DAB1: variants seen among roughly 807,000 people sequenced by gnomAD.
The protein encoded by DAB1 is disabled homolog 1.
Under a neutral mutation model 64.6 loss-of-function variants are expected in DAB1, and 15 were observed. The observed-to-expected ratio is 0.23, with a 90% CI of 0.16 to 0.36. DAB1 has a LOEUF of 0.36. DAB1 is among the 10% of genes least tolerant of loss of function. The pLI is 1.00. For missense variants in DAB1, 596 were observed against 706.7 expected (o/e 0.84, Z 1.78); for synonymous variants, 235 against 251.9 (o/e 0.93, Z 0.64).
intron 7 of DAB1, among the ~76,000 whole-genome samples, chr1:57,510,476 G>C (rs1644394163): frequency 6.6e-6 from 1 of 152,046 alleles, no homozygotes; most frequent in African/African-American, 2.4e-5. Flanking sequence ...GCTCACCATG[G>C]CTTAAGTACC....
At position 57,642,910 on chromosome 1, in the gene DAB1, C is replaced by T. The variant is rs568669676; in HGVS notation, n.625+6682G>A. On this transcript the variant is annotated intron_variant and non_coding_transcript_variant, in intron 7 of 20. Transcript: ENST00000485760. Reference sequence around the variant, plus strand: ...TGGCAATTCATTAATACCTGTGCACCTCACACAAATATTACTTGAGCACCT... The same window carrying T: ...TGGCAATTCATTAATACCTGTGCACTTCACACAAATATTACTTGAGCACCT... Among the ~76,000 whole-genome samples, 4 of 152,264 alleles carry T rather than the reference C, an allele frequency of 2.6e-5. No individual in the cohort carries two copies. The East Asian group carries it at 7.7e-4, about 29-fold the overall frequency.
chr1:57,054,448 T>C (rs1649532553), intron 9 of DAB1, among the ~76,000 whole-genome samples: 1 of 150,750 alleles, frequency 6.6e-6, no homozygotes, highest in African/African-American at 2.4e-5. Flanking sequence ...AGCAGACACC[T>C]TCCTCTCCAC....
intron 2 of DAB1, among the ~76,000 whole-genome samples, chr1:58,513,315 T>C (rs940367901): frequency 2.6e-5 from 4 of 152,210 alleles, no homozygotes; most frequent in African/African-American, 7.2e-5. Flanking sequence ...TCCCCAGCCA[T>C]GGAGAACTGT....
intron 3 of DAB1, among the ~76,000 whole-genome samples, chr1:58,426,003 G>A (rs1644818721): frequency 6.6e-6 from 1 of 152,116 alleles, no homozygotes; most frequent in South Asian, 2.1e-4. Context: ...ATGGAAGAAG[G>A]GGAGAGCCCT....
At chr1:57,167,412 G>A (rs184569863) in intron 2 of DAB1, among the ~76,000 whole-genome samples, 7 of 152,082 alleles carry the variant, frequency 4.6e-5, no homozygotes, top group African/African-American at 1.4e-4. Flanking sequence ...ATGCTTCTAC[G>A]ACTATCTTGG....
In DAB1 at chr1:56,996,015, C is replaced by A. The variant is rs1442444825; in HGVS notation, c.*2129G>T. On this transcript the variant is annotated 3_prime_UTR_variant, in exon 15 of 15. Transcript: ENST00000371236. ...CATTAGGATGATATTGACATATATT[C>A]TTGAATAGACGTTTGGTCAGTTTAT... The A allele has an allele frequency of 6.6e-6, 1 of 152,084 alleles. No homozygotes were observed. Among genetic ancestry groups the A allele is most frequent in the Non-Finnish European group, 1.5e-5 (1 of 68,026 alleles). 9.4% of individuals were successfully genotyped at this position (152,084 alleles called of 1,614,324 possible). A position where few individuals can be genotyped will look rare whatever the true frequency, so the allele number is the denominator to read the frequency against.
At chr1:57,654,149 G>T (rs1279238193) in intron 6 of DAB1, among the ~76,000 whole-genome samples, 1 of 152,050 alleles carries the variant, frequency 6.6e-6, no homozygotes, top group Non-Finnish European at 1.5e-5. Flanking sequence ...TCAGTGATTT[G>T]CTTTTTCATA....
At chr1:58,172,440 T>G (rs1377201963) in intron 4 of DAB1, among the ~76,000 whole-genome samples, 1 of 152,190 alleles carries the variant, frequency 6.6e-6, no homozygotes, top group East Asian at 1.9e-4. Context: ...AATGGCATAC[T>G]AGGTGTCAAA....
intron 2 of DAB1, among the ~76,000 whole-genome samples, chr1:57,290,602 CTT>C (rs975287104): frequency 2.6e-4 from 39 of 152,078 alleles, no homozygotes; most frequent in Admixed American, 2.6e-3. Context: ...TGCAGAAAAA[CTT>C]TGTATATTAT....
chr1:57,614,970 AC>A (rs1470075413), intron 7 of DAB1, among the ~76,000 whole-genome samples: 2 of 143,228 alleles, frequency 1.4e-5, no homozygotes, highest in Non-Finnish European at 3.0e-5. Context: ...TCCCGGGTTC[AC>A]GCCATTCTCC....
intron 4 of DAB1, among the ~76,000 whole-genome samples, chr1:57,087,597 GA>G (rs1007557686): frequency 1.3e-5 from 2 of 152,326 alleles, no homozygotes; most frequent in African/African-American, 4.8e-5. Flanking sequence ...TCTGCAATCG[GA>G]AGGAGAGTTG....
intron 4 of DAB1, among the ~76,000 whole-genome samples, chr1:57,088,252 G>A (rs1034048577): frequency 5.3e-5 from 8 of 152,102 alleles, no homozygotes; most frequent in Non-Finnish European, 1.0e-4. Flanking sequence ...TGTATCTTTA[G>A]TAGAGACGGG....
At chr1:57,636,245 G>C (rs1488735336) in intron 7 of DAB1, among the ~76,000 whole-genome samples, 2 of 152,106 alleles carry the variant, frequency 1.3e-5, no homozygotes. Context: ...TACAATTCAG[G>C]AAGAGAGGTC....
chr1:57,493,776 A>G (rs1644195531), intron 7 of DAB1, among the ~76,000 whole-genome samples: 1 of 152,134 alleles, frequency 6.6e-6, no homozygotes, highest in Admixed American at 6.6e-5. Flanking sequence ...ACACACACAC[A>G]CACACACACA....
In DAB1 at chr1:58,376,330, C is replaced by G. The variant is rs577752064; in HGVS notation, n.258-32927G>C. Reference sequence around the variant, plus strand: ...TGTGGGCATTTAGTGCTATAAATTTCCCTCTACACACTGCTTTGAATGTGT... The same window carrying G: ...TGTGGGCATTTAGTGCTATAAATTTGCCTCTACACACTGCTTTGAATGTGT... On this transcript the variant is annotated intron_variant and non_coding_transcript_variant, in intron 3 of 20. Transcript: ENST00000485760. 8.2e-4 allele frequency among the ~76,000 whole-genome samples: 114 copies of G among 138,730 alleles called. 1 individual carries two copies. The highest frequency in any genetic ancestry group is 3.8e-3 in the Middle Eastern group (1 of 266). 91.0% of individuals were successfully genotyped at this position (138,730 alleles called of 152,430 possible).
rs374255441 is a variant in DAB1 at position 57,261,854 on chromosome 1, G to C, written c.67+29110C>G. Among the ~76,000 whole-genome samples, 93 of 152,316 alleles carry C rather than the reference G, an allele frequency of 6.1e-4. 1 individual carries two copies. The South Asian group carries it at 0.017, about 27-fold the overall frequency. Reference sequence around the variant, plus strand: ...AGCACTAAAAATACTTTTCCAAGATGAAGTGCGGTAAAAAATGTCATTGCT... The same window carrying C: ...AGCACTAAAAATACTTTTCCAAGATCAAGTGCGGTAAAAAATGTCATTGCT... On this transcript the variant is annotated intron_variant, in intron 2 of 14. Transcript: ENST00000371236.
chr1:57,329,660 CAAAAA>C (rs57801886), intron 1 of DAB1, among the ~76,000 whole-genome samples: 1 of 101,042 alleles, frequency 9.9e-6, no homozygotes. Context: ...TTGTCTCTTC[CAAAAA>C]AAAAAAAAAA....
chr1:57,436,600 G>A (rs1364100731), intron 7 of DAB1, among the ~76,000 whole-genome samples: 1 of 152,150 alleles, frequency 6.6e-6, no homozygotes, highest in Non-Finnish European at 1.5e-5. Context: ...GCATGACACT[G>A]CCAAAGCAAT....
intron 5 of DAB1, among the ~76,000 whole-genome samples, chr1:57,945,823 T>G (rs1645176602): frequency 6.6e-6 from 1 of 152,212 alleles, no homozygotes; most frequent in East Asian, 1.9e-4. Context: ...AACCATGATT[T>G]CCTTAAAGTT....
Sources: allele counts gnomAD v4.1 joint callset (sites outside exome capture counted in the v4.1 genomes callset), GRCh38; gene constraint gnomAD v4.1.1; transcripts MANE v1.5; gene names NCBI Gene and HGNC (gene_info 2026-07-23, HGNC 2026-07-21).